The following KLF13 variants were observed in gnomAD, a reference collection of about 807,000 sequenced individuals.
KLF13 encodes the protein Krueppel-like factor 13.
In KLF13, 8 loss-of-function variants were observed where a neutral mutation model predicts 16.7. The ratio of observed to expected loss-of-function variants is 0.48; its 90% CI spans 0.28 to 0.87. The LOEUF (loss-of-function observed/expected upper bound fraction) is 0.87, where lower values mean the gene tolerates loss of function less well. KLF13 is among the 40% of genes least tolerant of loss of function. The pLI is 0.10. For missense variants in KLF13, 447 were observed against 452.2 expected, an observed-to-expected ratio of 0.99 and a Z score of 0.10; for synonymous variants, 245 against 208.4, an observed-to-expected ratio of 1.18 and a Z score of -1.51.
downstream of KLF13, among the ~76,000 whole-genome samples, chr15:31,381,781 T>G (rs1447863796): frequency 6.6e-6 from 1 of 152,224 alleles, no homozygotes; most frequent in Non-Finnish European, 1.5e-5. Flanking sequence ...TATTCAGCTT[T>G]AAAAAGTAGG....
intron 1 of KLF13, among the ~76,000 whole-genome samples, chr15:31,433,221 A>G (rs376937059): frequency 3.3e-5 from 5 of 152,176 alleles, no homozygotes; most frequent in African/African-American, 4.8e-5. Flanking sequence ...ACTGTGCCCA[A>G]TGGCCAGTGA....
At chr15:31,392,427 G>A (rs1210281792), upstream of KLF13, among the ~76,000 whole-genome samples, 1 of 152,206 alleles carries the variant, frequency 6.6e-6, no homozygotes, top group Non-Finnish European at 1.5e-5. Context: ...GAGCCGCCCA[G>A]GCCACGCCCC....
At chr15:31,423,335 GAAAC>G (rs1231162149) in intron 1 of KLF13, among the ~76,000 whole-genome samples, 1 of 150,796 alleles carries the variant, frequency 6.6e-6, no homozygotes, top group Non-Finnish European at 1.5e-5. Flanking sequence ...GATTAATAAA[GAAAC>G]AGATAACTTG....
At chr15:31,404,188 G>C (rs1180279261) in exon 3 of KLF13, 1 of 152,238 alleles carries the variant, frequency 6.6e-6, no homozygotes. Context: ...TAAAAAACAG[G>C]CATGATGGTG....
intron 1 of KLF13, among the ~76,000 whole-genome samples, chr15:31,359,645 C>T (rs1342223340): frequency 6.6e-6 from 1 of 152,208 alleles, no homozygotes; most frequent in Non-Finnish European, 1.5e-5. Context: ...CTGAGGTAAC[C>T]TCTGTTTCCT....
At chr15:31,424,167 G>T (rs770678673) in intron 1 of KLF13, among the ~76,000 whole-genome samples, 15 of 151,768 alleles carry the variant, frequency 9.9e-5, no homozygotes, top group Non-Finnish European at 1.8e-4. Context: ...ACTTAAAAAA[G>T]AATTAATATA....
At chr15:31,346,314 G>A (rs2039115677) in intron 1 of KLF13, among the ~76,000 whole-genome samples, 1 of 152,200 alleles carries the variant, frequency 6.6e-6, no homozygotes, top group Non-Finnish European at 1.5e-5. Context: ...CCGGCCCTTT[G>A]CCCTGGCCAC....
chr15:31,409,904 C>T (rs1055383752), intron 1 of KLF13, among the ~76,000 whole-genome samples: 3 of 151,998 alleles, frequency 2.0e-5, no homozygotes, highest in Admixed American at 6.6e-5. Context: ...GAAAAAAATA[C>T]GATACCAACA....
At chr15:31,399,401 G>T (rs771583842) in intron 2 of KLF13, among the ~76,000 whole-genome samples, 3 of 152,184 alleles carry the variant, frequency 2.0e-5, no homozygotes, top group Non-Finnish European at 4.4e-5. Flanking sequence ...CTGACCTCAG[G>T]TGATCCACCC....
At chr15:31,336,205 G>T (rs146588306) in intron 1 of KLF13, among the ~76,000 whole-genome samples, 415 of 152,312 alleles carry the variant, frequency 2.7e-3, no homozygotes, top group African/African-American at 9.4e-3. Flanking sequence ...CTAATGCTTG[G>T]GGGGGCCACC....
intron 1 of KLF13, among the ~76,000 whole-genome samples, chr15:31,370,425 C>CTTTTTTTTT (rs58293460): frequency 2.1e-5 from 3 of 145,180 alleles, no homozygotes; most frequent in African/African-American, 7.6e-5. Context: ...GTTGTTTTTG[C>CTTTTTTTTT]TTTTTTTTTT....
Position 31,362,105 on chromosome 15 carries a change from A to T in KLF13, c.578-9905A>T, listed in dbSNP as rs1405593162. 2.0e-5 allele frequency among the ~76,000 whole-genome samples: 3 copies of T among 152,154 alleles called. No homozygotes were observed. In the East Asian group the frequency reaches 5.8e-4, roughly 29 times the overall value. ...AATTTTCAGCCCACAGTGGTGTCAC[A>T]AAGTGGTCTTATGGCAGGAGTGTGG... On this transcript the variant is annotated intron_variant, in intron 1 of 1. Transcript: ENST00000307145.
At chr15:31,424,923 G>A (rs918940319) in intron 1 of KLF13, among the ~76,000 whole-genome samples, 1 of 127,310 alleles carries the variant, frequency 7.9e-6, no homozygotes. Flanking sequence ...TAGAACTAAA[G>A]AACAAATTTA....
chr15:31,328,742 C>T (rs894231700), intron 1 of KLF13, among the ~76,000 whole-genome samples: 25 of 152,318 alleles, frequency 1.6e-4, no homozygotes, highest in Non-Finnish European at 3.2e-4. Flanking sequence ...CGGTTCCCTC[C>T]CCCCTTTTTG....
intron 1 of KLF13, among the ~76,000 whole-genome samples, chr15:31,340,494 C>A (rs958368157): frequency 2.0e-5 from 3 of 152,238 alleles, no homozygotes; most frequent in African/African-American, 7.2e-5. Context: ...TCTTGTCATC[C>A]TTTCTCTGTT....
At chr15:31,422,337 C>T (rs530924369) in intron 1 of KLF13, among the ~76,000 whole-genome samples, 24 of 152,144 alleles carry the variant, frequency 1.6e-4, no homozygotes, top group Non-Finnish European at 3.2e-4. Flanking sequence ...GGAGAGACCT[C>T]GGGAAACTTA....
intron 2 of KLF13, among the ~76,000 whole-genome samples, chr15:31,402,204 A>G (rs924756831): frequency 2.6e-5 from 4 of 152,200 alleles, no homozygotes; most frequent in Non-Finnish European, 5.9e-5. Flanking sequence ...GTTCAGCTCC[A>G]GGCTCTGCTG....
rs2140924441 is a variant in KLF13, at chr15:31,327,383, C to T, written c.171C>T (p.Asp57=). 2.3e-6 allele frequency: 3 copies of T among 1,291,008 alleles called. No individual in the cohort carries two copies. Among genetic ancestry groups the T allele is most frequent in the South Asian group, 2.1e-5 (1 of 47,350 alleles). 80.0% of individuals were successfully genotyped at this position (1,291,008 alleles called of 1,614,324 possible). ...TCGAGGAGCGCCGCGACGGTAAGGA[C>T]AGCGCCTCGCTCTTCGTGGTGGCGC... ...PRVEERRDGK[D]SASLFVVARI... is the part of the protein sequence containing the mutation. Residue 57 remains aspartate (D), a synonymous_variant, in exon 1 of 2, where the codon GAC becomes GAT. Coordinates refer to ENST00000307145, the MANE Select transcript of KLF13 (RefSeq NM_015995.4).
At chr15:31,420,640 G>C (rs1172881635) in intron 1 of KLF13, 1 of 388,112 alleles carries the variant, frequency 2.6e-6, no homozygotes, top group East Asian at 6.8e-5. Flanking sequence ...TTCAAAGCAG[G>C]TTACCAGCCA....
Sources: gnomAD v4.1 joint callset for allele counts (sites outside exome capture counted in the v4.1 genomes callset) on GRCh38, gnomAD v4.1.1 for gene constraint, MANE v1.5 for transcripts, NCBI Gene and HGNC (gene_info 2026-07-23, HGNC 2026-07-21) for gene names.